NOTCH1: variants seen among roughly 807,000 people sequenced by gnomAD.
The protein encoded by NOTCH1 is notch receptor 1.
Under a neutral mutation model 254.8 loss-of-function variants are expected in NOTCH1, and 37 were observed. The ratio of observed to expected loss-of-function variants is 0.15; its 90% confidence interval spans 0.11 to 0.19. The LOEUF (loss-of-function observed/expected upper bound fraction) is 0.19. Among genes scored for constraint, NOTCH1 ranks in the 10% least tolerant of loss-of-function variants. NOTCH1 has a pLI of 1.00. For missense variants in NOTCH1, 2,972 were observed against 3,708.6 expected, an observed-to-expected ratio of 0.80 and a Z score of 5.16; for synonymous variants, 1,731 against 1,618.1, an observed-to-expected ratio of 1.07 and a Z score of -1.68.
chr9:136,509,634 G>A (rs1589061832), intron 18 of NOTCH1, 99 bp downstream of exon 18: 12 of 1,087,110 alleles, frequency 1.1e-5, no homozygotes, highest in Admixed American at 3.7e-5. Flanking sequence ...GTGCCCAGCC[G>A]GCCTAGGCGG....
chr9:136,498,776 GC>G, intron 33 of NOTCH1, 122 bp downstream of exon 33: 4 of 1,148,946 alleles, frequency 3.5e-6, no homozygotes, highest in Non-Finnish European at 5.2e-6. Flanking sequence ...CCACATGCGG[GC>G]CCAGCGACCC....
rs894758539 is a variant in NOTCH1, at chr9:136,505,573, G to C, written c.4323C>G (p.Pro1441=). The C allele has an allele frequency of 6.2e-7, 1 of 1,610,556 alleles. No individual in the cohort carries two copies. Among genetic ancestry groups the C allele is most frequent in the Non-Finnish European group, 8.5e-7 (1 of 1,178,948 alleles). ...CGCACGCCTCCTCGATCAGCGGCGGGGGGATGTCGCGCCCGGCCCCACCCC... is the reference window on the plus strand; with the variant it reads ...CGCACGCCTCCTCGATCAGCGGCGGCGGGATGTCGCGCCCGGCCCCACCCC... ...SFGGGAGRDI[P]PPLIEEACEL... is the part of the protein sequence containing the mutation. Residue 1441 remains proline (P), a synonymous_variant, in exon 25 of 34, where the codon CCC becomes CCG. Coordinates refer to ENST00000651671, the MANE Select transcript of NOTCH1 (RefSeq NM_017617.5).
intron 2 of NOTCH1, among the ~76,000 whole-genome samples, chr9:136,539,528 A>C (rs1050674802): frequency 6.6e-6 from 1 of 152,164 alleles, no homozygotes; most frequent in Admixed American, 6.5e-5. Context: ...AGCTGGGATT[A>C]CAGGCACACG....
In NOTCH1 at chr9:136,496,662, C is replaced by G. The variant is rs746592198; in HGVS notation, c.7077G>C (p.Leu2359=). The change falls in exon 34 of 34, where the codon CTG becomes CTC. Residue 2359 remains leucine (L), a synonymous_variant. Transcript: ENST00000651671. Reference sequence around the variant, plus strand: ...GGCCCTGGTAGCTCATCATCTGGGACAGGGCGCTGGCAGCAAGGCTACTGT... The same window carrying G: ...GGCCCTGGTAGCTCATCATCTGGGAGAGGGCGCTGGCAGCAAGGCTACTGT... The part of the protein sequence containing the change: ...PLHSSLAASA[L]SQMMSYQGLP... The G allele has an allele frequency of 1.2e-6, 2 of 1,612,928 alleles. No individual in the cohort carries two copies.
chr9:136,522,912 C>T lies in NOTCH1; in HGVS notation c.680G>A (p.Cys227Tyr), dbSNP rs2133377369. The T allele has an allele frequency of 6.5e-7, 1 of 1,543,592 alleles. No individual in the cohort carries two copies. ...GGGGCGGCAGGTGCCCCCGTTCTGG[C>T]AGGGCGAGGGGCTGCAGGGCACGTA... ...RPYVPCSPSP[C>Y]QNGGTCRPTG... The change falls in exon 4 of 34, where the codon TGC (cysteine) becomes TAC (tyrosine). Residue 227 changes from cysteine to tyrosine, a missense_variant. Physicochemically the swap from Cys to Tyr is radical, Grantham distance 194 (BLOSUM62 -2). This residue lies in a region of NOTCH1 where 374 missense variants were observed against 496.3 expected (regional missense o/e 0.75). Transcript: ENST00000651671.
rs1842916011 is a variant in NOTCH1 at position 136,496,458 on chromosome 9, G to T, written c.7281C>A (p.Gly2427=). Residue 2427 remains glycine (G), a synonymous_variant, in exon 34 of 34, where the codon GGC becomes GGA. Coordinates refer to ENST00000651671, the MANE Select transcript of NOTCH1 (RefSeq NM_017617.5). ...CACTCAGGAAGCTCCGGCCCAGGTG[G>T]CCGCTGGCTGCTGAGCTCACGCCAA... is the stretch of plus-strand genomic sequence containing the variant. ...PHLGVSSAAS[G]HLGRSFLSGE... 1.9e-6 allele frequency: 3 copies of T among 1,600,474 alleles called. No individual in the cohort carries two copies. Among genetic ancestry groups the T allele is most frequent in the Non-Finnish European group, 2.5e-6 (3 of 1,179,880 alleles).
chr9:136,524,639 C>CTTTT (rs869128901), intron 2 of NOTCH1, among the ~76,000 whole-genome samples: 48 of 54,396 alleles, frequency 8.8e-4, no homozygotes, highest in South Asian at 1.1e-3. Flanking sequence ...TTTTTCTTTT[C>CTTTT]TTTTTTTTTT....
At chr9:136,498,019 G>A (rs745596039) in intron 33 of NOTCH1, among the ~76,000 whole-genome samples, 4 of 152,162 alleles carry the variant, frequency 2.6e-5, no homozygotes, top group Non-Finnish European at 5.9e-5. Context: ...TCCTCTGTGC[G>A]GTGGACACGT....
intron 2 of NOTCH1, among the ~76,000 whole-genome samples, chr9:136,538,267 C>T (rs951977114): frequency 5.9e-5 from 9 of 152,150 alleles, no homozygotes; most frequent in African/African-American, 2.2e-4. Flanking sequence ...CTCCACCCTC[C>T]CACCCCTGCA....
rs3125005 is a variant in NOTCH1, at chr9:136,514,304, A to G, written c.2207+206T>C. ...AGCACACCATGCAGCCCACAAGGACACGCAGCACACAGCTGCTGGGTGTGG... is the reference window on the plus strand; with the variant it reads ...AGCACACCATGCAGCCCACAAGGACGCGCAGCACACAGCTGCTGGGTGTGG... On this transcript the variant is annotated intron_variant, in intron 13 of 33. Transcript: ENST00000651671. Among the ~76,000 whole-genome samples the G allele has an allele frequency of 0.67, 102,381 of 152,170 alleles. 35,932 individuals are homozygous for G. The highest frequency in any genetic ancestry group is 0.93 in the East Asian group (4,840 of 5,192).
Position 136,517,344 on chromosome 9 carries a change from C to T in NOTCH1, c.1483G>A (p.Ala495Thr), listed in dbSNP as rs767042476. The T allele has an allele frequency of 1.4e-5, 22 of 1,609,198 alleles. No individual in the cohort carries two copies. In the East Asian group the frequency reaches 4.0e-4, roughly 29 times the overall value. The change falls in exon 9 of 34, where the codon GCC (alanine) becomes ACC (threonine). Residue 495 changes from alanine to threonine, a missense_variant. Physicochemically the swap from Ala to Thr is moderately conservative, Grantham distance 58 (BLOSUM62 0). This residue lies in a region of NOTCH1 where 128 missense variants were observed against 193.8 expected (regional missense o/e 0.66). Coordinates refer to ENST00000651671, the MANE Select transcript of NOTCH1 (RefSeq NM_017617.5). ...VHCEVNTDEC[A>T]SSPCLHNGRC... The stretch of plus-strand genomic sequence containing the variant: ...CCATTGTGCAGGCAGGGGCTGCTGG[C>T]ACACTCGTCTGTGTTGACCTCGCAG...
intron 2 of NOTCH1, among the ~76,000 whole-genome samples, chr9:136,535,782 GA>G (rs1365253040): frequency 2.5e-4 from 18 of 72,974 alleles, no homozygotes; most frequent in East Asian, 2.2e-3. Context: ...GGTGGGTGGA[GA>G]GGGGAGCACT....
chr9:136,524,028 G>GCC, intron 2 of NOTCH1, 49 bp from the exon 3 acceptor site: 1 of 1,518,580 alleles, frequency 6.6e-7, no homozygotes, highest in Non-Finnish European at 8.8e-7. Flanking sequence ...CTTCCCCAGC[G>GCC]CCCCCGCCAC....
In NOTCH1 at chr9:136,520,783, A is replaced by C. The variant is rs535687655; in HGVS notation, c.743-1218T>G. ...TGGAGCCTGAGTCCCGGTCCCACTC[A>C]TGTGTGGGGCCCTGCACCCCGGCTC... On this transcript the variant is annotated intron_variant, in intron 4 of 33. Transcript: ENST00000651671. Among the ~76,000 whole-genome samples, 373 of 150,866 alleles carry C rather than the reference A, an allele frequency of 2.5e-3. 1 individual carries two copies. The highest frequency in any genetic ancestry group is 8.7e-3 in the African/African-American group (356 of 41,114).
chr9:136,523,862 G>C lies in NOTCH1; in HGVS notation c.258C>G (p.Ala86=), dbSNP rs2133379442. The change falls in exon 3 of 34, where the codon GCC becomes GCG. Residue 86 remains alanine, a synonymous_variant. Transcript: ENST00000651671. The part of the protein sequence containing the change: ...VVDRRGVADY[A]CSCALGFSGP... ...CAGAGAAGCCCAGGGCACAGCTGCA[G>C]GCATAGTCTGCCACGCCTCTGCGGT... 3 of 1,611,444 alleles carry C rather than the reference G, an allele frequency of 1.9e-6. No individual in the cohort carries two copies. Among genetic ancestry groups the C allele is most frequent in the Non-Finnish European group, 2.5e-6 (3 of 1,179,508 alleles).
At position 136,508,077 on chromosome 9, in the gene NOTCH1, G is replaced by C. The variant is rs775565457; in HGVS notation, c.3388C>G (p.His1130Asp). The change falls in exon 21 of 34, where the codon CAC (histidine) becomes GAC (aspartate). Residue 1130 changes from histidine to aspartate, a missense_variant. Coordinates refer to ENST00000651671, the MANE Select transcript of NOTCH1 (RefSeq NM_017617.5). ...GLCVDAGNTHHCRCQAGYTGS... is the reference protein window; with the variant it reads ...GLCVDAGNTHDCRCQAGYTGS... ...GTGTAGCCCGCCTGGCAGCGGCAGT[G>C]GTGCGTGTTGCCCGCGTCCACACAG... The C allele has an allele frequency of 6.2e-7, 1 of 1,610,388 alleles. No individual in the cohort carries two copies. The highest frequency in any genetic ancestry group is 8.5e-7 in the Non-Finnish European group (1 of 1,179,954).
intron 16 of NOTCH1, 49 bp downstream of exon 16, chr9:136,511,103 A>T (rs768628453): frequency 1.9e-6 from 3 of 1,612,422 alleles, no homozygotes; most frequent in Non-Finnish European, 2.5e-6. Context: ...TGTCCCGCAG[A>T]CATCCTGACC....
rs760548371 is a variant in NOTCH1, at chr9:136,502,472, C to T, written c.5184G>A (p.Pro1728=). ...TGAAGTGCAGCTGCGCCGGCGGGGGCGGCTCCACGGTCTCACCTGCGGGCA... is the reference window on the plus strand; with the variant it reads ...TGAAGTGCAGCTGCGCCGGCGGGGGTGGCTCCACGGTCTCACCTGCGGGCA... ...IEAVQSETVE[P]PPPAQLHFMY... is the part of the protein sequence containing the mutation. Residue 1728 remains proline, a synonymous_variant, in exon 28 of 34, where the codon CCG becomes CCA. Coordinates refer to ENST00000651671, the MANE Select transcript of NOTCH1 (RefSeq NM_017617.5). 4.4e-6 allele frequency: 7 copies of T among 1,573,786 alleles called. No individual in the cohort carries two copies. Among genetic ancestry groups the T allele is most frequent in the Admixed American group, 1.8e-5 (1 of 56,520 alleles).
At chr9:136,499,891 G>T (rs1210360484) in intron 31 of NOTCH1, among the ~76,000 whole-genome samples, 1 of 152,228 alleles carries the variant, frequency 6.6e-6, no homozygotes, top group African/African-American at 2.4e-5. Context: ...ATTTATTTCT[G>T]CGAGATGACA....
Sources: gnomAD v4.1 joint callset for allele counts (sites outside exome capture counted in the v4.1 genomes callset) on GRCh38, gnomAD v4.1.1 for gene constraint, gnomAD v4.1.1 regional missense constraint, MANE v1.5 for transcripts, NCBI Gene and HGNC (gene_info 2026-07-23, HGNC 2026-07-21) for gene names.